The following EYA1 variants were observed in gnomAD, a reference collection of about 807,000 sequenced individuals.
EYA1 encodes the protein protein phosphatase EYA1.
Under a neutral mutation model 82.0 loss-of-function variants are expected in EYA1, and 16 were observed. The ratio of observed to expected loss-of-function variants is 0.20; its 90% CI spans 0.13 to 0.30. The LOEUF (loss-of-function observed/expected upper bound fraction) is 0.30, where lower values mean the gene tolerates loss of function less well. Among genes scored for constraint, EYA1 ranks in the 10% least tolerant of loss-of-function variants. The pLI, the probability that EYA1 is intolerant of heterozygous loss-of-function variation, is 1.00. For synonymous variants in EYA1, 261 were observed against 264.4 expected, an observed-to-expected ratio of 0.99 and a Z score of 0.12; for missense variants, 633 against 730.7, an observed-to-expected ratio of 0.87 and a Z score of 1.54.
intron 9 of EYA1, among the ~76,000 whole-genome samples, chr8:71,286,522 T>C (rs1563399822): frequency 6.6e-6 from 1 of 152,086 alleles, no homozygotes; most frequent in Non-Finnish European, 1.5e-5. Flanking sequence ...GGCAGTGAGG[T>C]AAGAGGGTAT....
intron 1 of EYA1, chr8:71,356,733 A>G: frequency 8.2e-7 from 1 of 1,224,612 alleles, no homozygotes; most frequent in Non-Finnish European, 1.0e-6. Context: ...CAGGGGGGGA[A>G]GGCAGCCAAA....
At chr8:71,537,457 A>G (rs1215095820) in intron 1 of EYA1, among the ~76,000 whole-genome samples, 1 of 152,198 alleles carries the variant, frequency 6.6e-6, no homozygotes, top group African/African-American at 2.4e-5. Flanking sequence ...GACTGTTTTC[A>G]TTGCTTAAGT....
intron 9 of EYA1, among the ~76,000 whole-genome samples, chr8:71,282,085 C>G (rs1184801570): frequency 6.6e-6 from 1 of 152,208 alleles, no homozygotes; most frequent in Non-Finnish European, 1.5e-5. Context: ...ACTCTCTCTA[C>G]TCTCCTTGCC....
intron 11 of EYA1, among the ~76,000 whole-genome samples, chr8:71,246,709 T>C (rs899959566): frequency 1.3e-5 from 2 of 152,206 alleles, no homozygotes; most frequent in East Asian, 1.9e-4. Context: ...TATTCTCACA[T>C]AGACTAATAA....
intron 17 of EYA1, among the ~76,000 whole-genome samples, chr8:71,203,890 G>A (rs937524206): frequency 2.0e-5 from 3 of 152,142 alleles, no homozygotes; most frequent in Non-Finnish European, 2.9e-5. Context: ...CGGTGGGTGG[G>A]AATCAAAGAA....
chr8:71,507,656 T>C (rs978056323), intron 2 of EYA1, among the ~76,000 whole-genome samples: 1 of 152,220 alleles, frequency 6.6e-6, no homozygotes, highest in Non-Finnish European at 1.5e-5. Context: ...AGCCATTCGG[T>C]AGAATACTAC....
At chr8:71,491,015 A>G (rs1810953882) in intron 2 of EYA1, among the ~76,000 whole-genome samples, 1 of 151,990 alleles carries the variant, frequency 6.6e-6, no homozygotes, top group Non-Finnish European at 1.5e-5. Context: ...GAATGAATAA[A>G]CCAATGATTG....
At chr8:71,313,506 C>T (rs1838619) in intron 7 of EYA1, among the ~76,000 whole-genome samples, 28,135 of 152,166 alleles carry the variant, frequency 0.18, 3,000 homozygotes, top group Non-Finnish European at 0.24. Flanking sequence ...CACATCACCA[C>T]TGCAATGAGA....
intron 12 of EYA1, among the ~76,000 whole-genome samples, chr8:71,236,498 T>C (rs1250657760): frequency 1.3e-5 from 2 of 152,204 alleles, no homozygotes; most frequent in Non-Finnish European, 2.9e-5. Context: ...GGATGTATTT[T>C]AATTTATTTC....
intron 2 of EYA1, among the ~76,000 whole-genome samples, chr8:71,455,188 C>T (rs1722144803): frequency 6.6e-6 from 1 of 151,966 alleles, no homozygotes; most frequent in South Asian, 2.1e-4. Flanking sequence ...ACACATACAC[C>T]CCACAAGACT....
At chr8:71,525,478 T>C (rs1716580210) in intron 2 of EYA1, among the ~76,000 whole-genome samples, 1 of 152,204 alleles carries the variant, frequency 6.6e-6, no homozygotes, top group African/African-American at 2.4e-5. Flanking sequence ...TAGAATTTAT[T>C]TGCACAAAGG....
chr8:71,528,730 A>G (rs927020104), intron 2 of EYA1, among the ~76,000 whole-genome samples: 4 of 152,208 alleles, frequency 2.6e-5, no homozygotes, highest in African/African-American at 9.6e-5. Flanking sequence ...TTTGAATCCA[A>G]GAAGTTGAGG....
intron 2 of EYA1, among the ~76,000 whole-genome samples, chr8:71,469,654 G>A (rs1157277259): frequency 6.6e-6 from 1 of 151,934 alleles, no homozygotes; most frequent in Non-Finnish European, 1.5e-5. Flanking sequence ...AGCACATTTG[G>A]ACTTAGGTGA....
intron 12 of EYA1, among the ~76,000 whole-genome samples, chr8:71,228,902 C>T (rs566385611): frequency 1.6e-4 from 24 of 152,284 alleles, no homozygotes; most frequent in African/African-American, 4.1e-4. Flanking sequence ...CTGGGCAGCA[C>T]GTTCAGATAC....
chr8:71,321,846 G>T lies in EYA1; in HGVS notation c.306C>A (p.Ser102=). The T allele has an allele frequency of 6.2e-7, 1 of 1,614,250 alleles. No individual in the cohort carries two copies. The highest frequency in any genetic ancestry group is 2.2e-5 in the East Asian group (1 of 44,878). Residue 102 remains serine, a synonymous_variant, in exon 6 of 18, where the codon TCC becomes TCA. Coordinates refer to ENST00000340726, the MANE Select transcript of EYA1 (RefSeq NM_000503.6). ...RPYPHILPTP[S]SQTMAAYGQT... ...GCCCATATGCAGCCATAGTTTGTGA[G>T]GAAGGGGTAGGGAGAATATGTGGGT...
chr8:71,498,810 T>G (rs935513998), intron 2 of EYA1, among the ~76,000 whole-genome samples: 6 of 152,196 alleles, frequency 3.9e-5, no homozygotes, highest in Non-Finnish European at 7.3e-5. Flanking sequence ...GAGACTATAC[T>G]GGAGTCACAA....
Position 71,244,739 on chromosome 8 carries a change from C to G in EYA1, c.1051-47G>C, listed in dbSNP as rs559955624. The G allele has an allele frequency of 1.2e-4, 138 of 1,129,234 alleles. 2 individuals are homozygous for G. The South Asian group carries it at 1.7e-3, about 14-fold the overall frequency. 70.0% of individuals were successfully genotyped at this position (1,129,234 alleles called of 1,614,324 possible). A position where few individuals can be genotyped will look rare whatever the true frequency, so the allele number is the denominator to read the frequency against. The stretch of plus-strand genomic sequence containing the variant: ...TGAAGAACATGTATACTTCAGGTTA[C>G]ATGAAAGAGAGTGTCTCATTAAGAG... On this transcript the variant is annotated intron_variant, in intron 11 of 17. Coordinates refer to ENST00000340726, the MANE Select transcript of EYA1 (RefSeq NM_000503.6).
intron 11 of EYA1, among the ~76,000 whole-genome samples, chr8:71,256,320 T>G (rs971372005): frequency 6.6e-6 from 1 of 152,064 alleles, no homozygotes; most frequent in African/African-American, 2.4e-5. Context: ...CATTGATAGA[T>G]ATATCAAAAA....
chr8:71,199,322 TC>T lies in EYA1; in HGVS notation c.*17del. The T allele has an allele frequency of 2.5e-6, 4 of 1,583,986 alleles. No individual in the cohort carries two copies. The highest frequency in any genetic ancestry group is 3.5e-6 in the Non-Finnish European group (4 of 1,156,050). Reference sequence around the variant, plus strand: ...CTGGTCACAGAGCAGCTGTGCGCTGTCAAAGTGCCGAGCGCTGTTACAGGTA... The same window carrying T: ...CTGGTCACAGAGCAGCTGTGCGCTGTAAAGTGCCGAGCGCTGTTACAGGTA... On this transcript the variant is annotated 3_prime_UTR_variant, in exon 18 of 18. Coordinates refer to ENST00000340726, the MANE Select transcript of EYA1 (RefSeq NM_000503.6).
Sources: gnomAD v4.1 joint callset for allele counts (sites outside exome capture counted in the v4.1 genomes callset) on GRCh38, gnomAD v4.1.1 for gene constraint, MANE v1.5 for transcripts, NCBI Gene and HGNC (gene_info 2026-07-23, HGNC 2026-07-21) for gene names.